Variants in OLA1 observed in about 807,000 individuals in gnomAD.
The protein encoded by OLA1 is obg-like ATPase 1.
OLA1 carries 14 observed loss-of-function variants against 48.4 expected under a neutral mutation model. That is an observed-to-expected ratio of 0.29 (90% CI 0.19 to 0.45). The LOEUF (loss-of-function observed/expected upper bound fraction) is 0.45. OLA1 is among the 20% of genes least tolerant of loss of function. OLA1 has a pLI of 1.00. For missense variants in OLA1, 325 were observed against 467.1 expected (o/e 0.70, Z 2.80); for synonymous variants, 127 against 150.4 (o/e 0.84, Z 1.14).
intron 7 of OLA1, among the ~76,000 whole-genome samples, chr2:174,115,069 G>C (rs796240255): frequency 1.3e-5 from 2 of 152,130 alleles, no homozygotes; most frequent in African/African-American, 4.8e-5. Flanking sequence ...CTGGTCAAGA[G>C]AGTGAGACCC....
chr2:174,169,049 C>A (rs1272788698), intron 4 of OLA1, among the ~76,000 whole-genome samples: 1 of 152,060 alleles, frequency 6.6e-6, no homozygotes, highest in Non-Finnish European at 1.5e-5. Flanking sequence ...ACCTCAGCCT[C>A]CCAGGTTCAA....
At chr2:174,099,309 C>G (rs1685333683) in intron 7 of OLA1, among the ~76,000 whole-genome samples, 1 of 152,118 alleles carries the variant, frequency 6.6e-6, no homozygotes. Flanking sequence ...GTGCGTGCCA[C>G]CACGCCCAGC....
chr2:174,148,890 C>G (rs1211542379), intron 4 of OLA1, among the ~76,000 whole-genome samples: 1 of 152,182 alleles, frequency 6.6e-6, no homozygotes, highest in African/African-American at 2.4e-5. Context: ...CCTCAGACCT[C>G]AATCTATTAC....
chr2:174,181,413 T>C (rs574246990), intron 4 of OLA1, among the ~76,000 whole-genome samples: 45 of 152,300 alleles, frequency 3.0e-4, no homozygotes, highest in African/African-American at 1.1e-3. Context: ...TTCTTTTATG[T>C]TCATTTTTTA....
At chr2:174,244,206 T>G (rs1689075297) in intron 2 of OLA1, among the ~76,000 whole-genome samples, 1 of 152,194 alleles carries the variant, frequency 6.6e-6, no homozygotes, top group Non-Finnish European at 1.5e-5. Context: ...GAATCCTACC[T>G]GATACAGTTG....
intron 7 of OLA1, among the ~76,000 whole-genome samples, chr2:174,096,046 T>C (rs1457311565): frequency 6.6e-6 from 1 of 152,114 alleles, no homozygotes. Flanking sequence ...ACTAGGATGA[T>C]TATAATTAAG....
At chr2:174,188,792 A>G (rs978786848) in intron 4 of OLA1, among the ~76,000 whole-genome samples, 6 of 152,190 alleles carry the variant, frequency 3.9e-5, no homozygotes, top group African/African-American at 9.7e-5. Context: ...ACTTTCAGCT[A>G]TGTGTATAAG....
intron 2 of OLA1, among the ~76,000 whole-genome samples, chr2:174,230,901 T>A (rs994954876): frequency 6.6e-6 from 1 of 152,050 alleles, no homozygotes; most frequent in Non-Finnish European, 1.5e-5. Context: ...AAACAAAAAA[T>A]TTGGAAGAAG....
At chr2:174,101,283 T>G (rs1685391704) in intron 7 of OLA1, among the ~76,000 whole-genome samples, 1 of 152,256 alleles carries the variant, frequency 6.6e-6, no homozygotes, top group Non-Finnish European at 1.5e-5. Flanking sequence ...TGCTGAGTAC[T>G]TTTCCATGTT....
intron 7 of OLA1, among the ~76,000 whole-genome samples, chr2:174,116,286 C>A (rs2105363086): frequency 6.6e-6 from 1 of 152,286 alleles, no homozygotes; most frequent in Non-Finnish European, 1.5e-5. Flanking sequence ...AAAAATATTT[C>A]TCAAATTGTT....
chr2:174,204,318 A>G (rs186570577), intron 4 of OLA1, among the ~76,000 whole-genome samples: 7,924 of 152,006 alleles, frequency 0.052, 287 homozygotes, highest in Middle Eastern at 0.13. Context: ...GGAGAATGGC[A>G]TGAACCCAGG....
chr2:174,117,967 G>C (rs1188134589), intron 7 of OLA1, among the ~76,000 whole-genome samples: 2 of 152,156 alleles, frequency 1.3e-5, no homozygotes, highest in Non-Finnish European at 2.9e-5. Flanking sequence ...AAAGAAAAGA[G>C]GTCTAACTGG....
chr2:174,135,081 A>AC (rs1274870598), intron 5 of OLA1, among the ~76,000 whole-genome samples: 2 of 149,036 alleles, frequency 1.3e-5, no homozygotes, highest in Non-Finnish European at 3.0e-5. Flanking sequence ...ACTGGCATGA[A>AC]CCCGGGAGGT....
intron 7 of OLA1, among the ~76,000 whole-genome samples, chr2:174,122,135 T>C (rs1685928485): frequency 6.6e-6 from 1 of 152,194 alleles, no homozygotes; most frequent in South Asian, 2.1e-4. Context: ...TATGTTAAAT[T>C]TATGCTTTTT....
At chr2:174,164,348 A>AATACCATTCTGCATAGTGTAGAATGG (rs1687108929) in intron 4 of OLA1, among the ~76,000 whole-genome samples, 1 of 124,042 alleles carries the variant, frequency 8.1e-6, no homozygotes, top group Admixed American at 7.4e-5. Flanking sequence ...GGCACTACGC[A>AATACCATTCTGCATAGTGTAGAATGG]ATACCATTCT....
chr2:174,225,275 G>A (rs539275050), intron 3 of OLA1, among the ~76,000 whole-genome samples: 3 of 152,302 alleles, frequency 2.0e-5, no homozygotes, highest in Admixed American at 6.5e-5. Flanking sequence ...CCTCGTCCGG[G>A]TGCAGTGGCT....
chr2:174,196,027 AC>A (rs1687872230), intron 4 of OLA1, among the ~76,000 whole-genome samples: 1 of 152,134 alleles, frequency 6.6e-6, no homozygotes, highest in African/African-American at 2.4e-5. Flanking sequence ...AAGGAAAAAA[AC>A]TCAATTACTT....
intron 5 of OLA1, 79 bp downstream of exon 5, chr2:174,141,746 A>G: frequency 9.7e-7 from 1 of 1,034,342 alleles, no homozygotes. Flanking sequence ...TATTAGATGT[A>G]TCATATGCAT....
At chr2:174,104,571 T>C (rs1685471996) in intron 7 of OLA1, among the ~76,000 whole-genome samples, 1 of 152,036 alleles carries the variant, frequency 6.6e-6, no homozygotes, top group African/African-American at 2.4e-5. Flanking sequence ...TGGTTCTTAA[T>C]TTCTTTCTTG....
Sources: allele counts gnomAD v4.1 joint callset (sites outside exome capture counted in the v4.1 genomes callset), GRCh38; gene constraint gnomAD v4.1.1; transcripts MANE v1.5; gene names NCBI Gene and HGNC (gene_info 2026-07-23, HGNC 2026-07-21).